CPA6: variants seen among roughly 807,000 people sequenced by gnomAD.
The protein encoded by CPA6 is carboxypeptidase A6.
CPA6 carries 58 observed loss-of-function variants against 63.3 expected under a neutral mutation model. The ratio of observed to expected loss-of-function variants is 0.92; its 90% CI spans 0.74 to 1.14. The LOEUF is 1.14. Ranked by LOEUF, CPA6 falls within the 50% of genes most tolerant of loss-of-function variation. The probability of loss-of-function intolerance (pLI) is 0.00; values close to 1 mark genes in which losing one functional copy is unlikely to be tolerated. For missense variants in CPA6, 565 were observed against 526.6 expected, an observed-to-expected ratio of 1.07 and a Z score of -0.71; for synonymous variants, 185 against 179.0, an observed-to-expected ratio of 1.03 and a Z score of -0.27.
intron 8 of CPA6, among the ~76,000 whole-genome samples, chr8:67,482,013 A>T (rs1286806005): frequency 1.3e-5 from 2 of 152,240 alleles, no homozygotes; most frequent in African/African-American, 4.8e-5. Flanking sequence ...CACAGAAAAA[A>T]TCAGAACGAT....
At chr8:67,530,926 T>C (rs898681766) in intron 2 of CPA6, among the ~76,000 whole-genome samples, 1 of 152,170 alleles carries the variant, frequency 6.6e-6, no homozygotes, top group Non-Finnish European at 1.5e-5. Context: ...AGTTCTTATA[T>C]CTAACCTTGC....
chr8:67,443,580 C>T (rs1393117098), intron 8 of CPA6, among the ~76,000 whole-genome samples: 1 of 152,106 alleles, frequency 6.6e-6, no homozygotes, highest in Non-Finnish European at 1.5e-5. Flanking sequence ...TCGAGCTGTG[C>T]AACCATCACC....
intron 2 of CPA6, among the ~76,000 whole-genome samples, chr8:67,547,500 C>CTTT (rs565207722): frequency 7.4e-6 from 1 of 134,944 alleles, no homozygotes; most frequent in Non-Finnish European, 1.6e-5. Flanking sequence ...GAATTATAGT[C>CTTT]TTTTTTTTTT....
intron 3 of CPA6, 78 bp from the exon 4 acceptor site, chr8:67,511,733 A>G: frequency 1.3e-6 from 1 of 789,940 alleles, no homozygotes; most frequent in South Asian, 1.4e-5. Flanking sequence ...AAAAAATCAT[A>G]TGCATCTATG....
intron 1 of CPA6, among the ~76,000 whole-genome samples, chr8:67,634,342 C>T (rs1370568294): frequency 1.3e-5 from 2 of 150,628 alleles, no homozygotes; most frequent in African/African-American, 2.5e-5. Context: ...CCTCAGCCTC[C>T]CGAGTAGCTG....
chr8:67,676,031 C>A (rs999401654), intron 1 of CPA6, among the ~76,000 whole-genome samples: 1 of 152,156 alleles, frequency 6.6e-6, no homozygotes, highest in Admixed American at 6.5e-5. Flanking sequence ...GTTTTTAAAT[C>A]AGCAAAATCT....
At chr8:67,588,754 T>C (rs1211193565) in intron 2 of CPA6, among the ~76,000 whole-genome samples, 1 of 152,198 alleles carries the variant, frequency 6.6e-6, no homozygotes, top group Non-Finnish European at 1.5e-5. Context: ...TGGTGTTTCT[T>C]ACATTTTGTT....
intron 2 of CPA6, among the ~76,000 whole-genome samples, chr8:67,534,725 A>T (rs1812548832): frequency 6.6e-6 from 1 of 151,702 alleles, no homozygotes; most frequent in African/African-American, 2.4e-5. Flanking sequence ...TTTTTTTTTT[A>T]AAAAATTATA....
At chr8:67,723,973 T>C (rs1336188044) in intron 1 of CPA6, among the ~76,000 whole-genome samples, 3 of 152,094 alleles carry the variant, frequency 2.0e-5, no homozygotes, top group Admixed American at 6.5e-5. Flanking sequence ...AAAAGACAAA[T>C]GACAGATTGG....
intron 1 of CPA6, among the ~76,000 whole-genome samples, chr8:67,734,352 A>C (rs1377897344): frequency 1.3e-5 from 2 of 151,988 alleles, no homozygotes; most frequent in Non-Finnish European, 2.9e-5. Context: ...ATGGAAAAAA[A>C]AAAAAAAAAG....
chr8:67,713,139 A>T (rs1198771248), intron 1 of CPA6, among the ~76,000 whole-genome samples: 1 of 133,224 alleles, frequency 7.5e-6, no homozygotes, highest in East Asian at 2.2e-4. Context: ...ATATATATAT[A>T]TTAACAGGGT....
At chr8:67,434,347 T>C (rs117556189) in intron 8 of CPA6, 107 bp from the exon 9 acceptor site, 14,912 of 873,424 alleles carry the variant, frequency 0.017, 177 homozygotes, top group Non-Finnish European at 0.021. Context: ...TCCAAACATA[T>C]GGTATTATTA....
intron 1 of CPA6, among the ~76,000 whole-genome samples, chr8:67,678,633 T>A (rs1816529601): frequency 6.6e-6 from 1 of 152,252 alleles, no homozygotes. Context: ...ATGAATTAGT[T>A]AAGTTGTTCA....
At chr8:67,634,247 T>C (rs1406081284) in intron 1 of CPA6, among the ~76,000 whole-genome samples, 2 of 148,192 alleles carry the variant, frequency 1.3e-5, no homozygotes, top group African/African-American at 2.5e-5. Flanking sequence ...TGAGACGGAG[T>C]CTCGCTCTGT....
At chr8:67,515,058 CT>C (rs1812114792) in intron 3 of CPA6, among the ~76,000 whole-genome samples, 2 of 152,324 alleles carry the variant, frequency 1.3e-5, no homozygotes, top group Non-Finnish European at 2.9e-5. Context: ...TCTAGAGAGA[CT>C]GGGCCCTCAC....
intron 1 of CPA6, among the ~76,000 whole-genome samples, chr8:67,626,079 C>T (rs73251044): frequency 0.24 from 37,174 of 152,096 alleles, 4,661 homozygotes; most frequent in Middle Eastern, 0.34. Context: ...CCTGCTTCCC[C>T]TTCTGCTATG....
In CPA6 at chr8:67,615,305, A is replaced by G. The variant is rs568531013; in HGVS notation, c.192+8871T>C. ...GAAATGGCACCAAAGTATGGTTTAT[A>G]CACTTGATAGAAAACCTCTCAGTCA... On this transcript the variant is annotated intron_variant, in intron 2 of 10. Coordinates refer to ENST00000297770, the MANE Select transcript of CPA6 (RefSeq NM_020361.5). 3.9e-5 allele frequency among the ~76,000 whole-genome samples: 6 copies of G among 152,348 alleles called. No homozygotes were observed. In the South Asian group the frequency reaches 1.0e-3, roughly 26 times the overall value.
chr8:67,597,198 C>CTTT (rs1219322033), intron 2 of CPA6, among the ~76,000 whole-genome samples: 42 of 135,090 alleles, frequency 3.1e-4, no homozygotes, highest in African/African-American at 1.1e-3. Flanking sequence ...CTCTGTGTCT[C>CTTT]TTTTTTTTTT....
chr8:67,511,123 C>G (rs568351172), intron 4 of CPA6, among the ~76,000 whole-genome samples: 13 of 152,242 alleles, frequency 8.5e-5, no homozygotes, highest in African/African-American at 3.1e-4. Flanking sequence ...CCAAATGAAG[C>G]TTTGCCTTTG....
Sources: allele counts gnomAD v4.1 joint callset (sites outside exome capture counted in the v4.1 genomes callset), GRCh38; gene constraint gnomAD v4.1.1; transcripts MANE v1.5; gene names NCBI Gene and HGNC (gene_info 2026-07-23, HGNC 2026-07-21).